TMPRSS11F: variants seen among roughly 807,000 people sequenced by gnomAD.
TMPRSS11F encodes transmembrane serine protease 11F, also known as transmembrane protease serine 11F.
TMPRSS11F carries 47 observed loss-of-function variants against 60.2 expected under a neutral mutation model. The observed-to-expected ratio is 0.78, with a 90% confidence interval of 0.62 to 1.00. The LOEUF is 1.00. Ranked by LOEUF, TMPRSS11F falls within the 50% of genes least tolerant of loss-of-function variation. The pLI, the probability that TMPRSS11F is intolerant of heterozygous loss-of-function variation, is 0.00. For missense variants in TMPRSS11F, 519 were observed against 522.9 expected (o/e 0.99, Z 0.07); for synonymous variants, 166 against 167.3 (o/e 0.99, Z 0.06).
At chr4:68,084,374 C>G (rs1192134071) in intron 3 of TMPRSS11F, among the ~76,000 whole-genome samples, 1 of 152,128 alleles carries the variant, frequency 6.6e-6, no homozygotes, top group Non-Finnish European at 1.5e-5. Flanking sequence ...TCGTCAGATT[C>G]ACCAAGGTCG....
In TMPRSS11F at chr4:68,075,503, C is replaced by G. The variant is rs572425984; in HGVS notation, c.283-1494G>C. Among the ~76,000 whole-genome samples the G allele has an allele frequency of 4.0e-4, 61 of 152,262 alleles. No individual in the cohort carries two copies. In the South Asian group the frequency reaches 5.8e-3, roughly 14 times the overall value. On this transcript the variant is annotated intron_variant, in intron 3 of 9. Coordinates refer to ENST00000356291, the MANE Select transcript of TMPRSS11F (RefSeq NM_207407.2). ...TCAAAGTCTCTCTCTCTGTCTGTCT[C>G]TCTCTCTCTCTTTCATTTTAAGGTG...
chr4:68,113,141 G>T (rs1490661273), intron 1 of TMPRSS11F, among the ~76,000 whole-genome samples: 2 of 152,090 alleles, frequency 1.3e-5, no homozygotes, highest in African/African-American at 2.4e-5. Context: ...ATCTTATAAA[G>T]TATGTTCTTT....
At chr4:68,059,512 A>C in intron 8 of TMPRSS11F, 44 bp from the exon 9 acceptor site, 1 of 1,581,494 alleles carries the variant, frequency 6.3e-7, no homozygotes, top group Non-Finnish European at 8.6e-7. Context: ...AGTATTCCTC[A>C]AATACAATTG....
chr4:68,072,013 C>T (rs1418858629), intron 5 of TMPRSS11F, among the ~76,000 whole-genome samples: 1 of 151,536 alleles, frequency 6.6e-6, no homozygotes, highest in Non-Finnish European at 1.5e-5. Context: ...AGCTTCTTTA[C>T]CTGTAAAATG....
intron 1 of TMPRSS11F, among the ~76,000 whole-genome samples, chr4:68,113,182 G>A (rs1724444184): frequency 6.6e-6 from 1 of 152,130 alleles, no homozygotes; most frequent in Non-Finnish European, 1.5e-5. Context: ...ACACCATAAA[G>A]GGTGATTCTG....
At chr4:68,107,923 G>A (rs1724335595) in intron 1 of TMPRSS11F, among the ~76,000 whole-genome samples, 1 of 152,068 alleles carries the variant, frequency 6.6e-6, no homozygotes, top group Admixed American at 6.6e-5. Context: ...GAGACAAAGT[G>A]AGACTCTGTC....
At chr4:68,086,325 AG>A (rs35221538) in intron 3 of TMPRSS11F, among the ~76,000 whole-genome samples, 44,149 of 151,970 alleles carry the variant, frequency 0.29, 6,491 homozygotes, top group East Asian at 0.49. Flanking sequence ...CTTTGAAATT[AG>A]GGACAGTAAA....
In TMPRSS11F at chr4:68,062,606, G is replaced by A. The variant is rs201538413; in HGVS notation, c.1015+2079C>T. 1.3e-5 allele frequency: 11 copies of A among 858,218 alleles called. No individual in the cohort carries two copies. The Admixed American group carries it at 1.9e-4, about 15-fold the overall frequency. The allele number at this position is 858,218 out of a possible 1,614,324, so 53.2% of individuals were successfully genotyped here. A position where few individuals can be genotyped will look rare whatever the true frequency, so the allele number is the denominator to read the frequency against. ...CCGTCCTTTTGACTCTTTCATTTCA[G>A]TCCAGTGATTGAGTTCTTCTCCAGA... On this transcript the variant is annotated intron_variant, in intron 8 of 9. Coordinates refer to ENST00000356291, the MANE Select transcript of TMPRSS11F (RefSeq NM_207407.2).
chr4:68,074,130 G>C (rs1042057370), intron 3 of TMPRSS11F, 121 bp from the exon 4 acceptor site: 1 of 540,060 alleles, frequency 1.9e-6, no homozygotes, highest in African/African-American at 2.0e-5. Flanking sequence ...AGAGACTTGG[G>C]CAAAAAAATA....
chr4:68,086,072 T>C (rs560959344), intron 3 of TMPRSS11F, among the ~76,000 whole-genome samples: 2 of 152,166 alleles, frequency 1.3e-5, no homozygotes, highest in South Asian at 4.1e-4. Context: ...AACCATAGAA[T>C]ATATATTTGT....
chr4:68,106,745 A>G (rs1724308592), intron 1 of TMPRSS11F, among the ~76,000 whole-genome samples: 1 of 152,220 alleles, frequency 6.6e-6, no homozygotes, highest in African/African-American at 2.4e-5. Context: ...CCTTTATTGG[A>G]ATGTGTAATA....
At chr4:68,087,693 A>G (rs1411544032) in intron 3 of TMPRSS11F, among the ~76,000 whole-genome samples, 1 of 106,040 alleles carries the variant, frequency 9.4e-6, no homozygotes, top group Admixed American at 1.1e-4. Flanking sequence ...AACAATTAGT[A>G]GCATTTTATT....
chr4:68,126,889 T>C (rs1191614109), intron 1 of TMPRSS11F, among the ~76,000 whole-genome samples: 4 of 152,122 alleles, frequency 2.6e-5, no homozygotes, highest in Admixed American at 2.0e-4. Flanking sequence ...AGGAAGACCA[T>C]GGGGTCTCAC....
chr4:68,059,562 CAA>C (rs1370572163), intron 8 of TMPRSS11F, 94 bp from the exon 9 acceptor site: 5 of 1,258,210 alleles, frequency 4.0e-6, no homozygotes, highest in African/African-American at 1.5e-5. Flanking sequence ...TAGCAAAAGC[CAA>C]AGATTATTTT....
At position 68,098,984 on chromosome 4, in the gene TMPRSS11F, C is replaced by T. The variant is rs1437987110; in HGVS notation, c.66G>A (p.Gln22=). 1.9e-6 allele frequency: 3 copies of T among 1,613,232 alleles called. No individual in the cohort carries two copies. Among genetic ancestry groups the T allele is most frequent in the African/African-American group, 2.7e-5 (2 of 74,942 alleles). ...EFSRAEYQRK[Q]QFWDSVRLAL... is the part of the protein sequence containing the mutation. Reference sequence around the variant, plus strand: ...CTAGCCGTACTGAGTCCCAAAATTGCTGCTTTCTTTGATATTCAGCTCGTG... The same window carrying T: ...CTAGCCGTACTGAGTCCCAAAATTGTTGCTTTCTTTGATATTCAGCTCGTG... The change falls in exon 2 of 10, where the codon CAG becomes CAA. Residue 22 remains glutamine (Q), a synonymous_variant. Coordinates refer to ENST00000356291, the MANE Select transcript of TMPRSS11F (RefSeq NM_207407.2).
At chr4:68,109,373 CTTGGTGAAAAA>C (rs1243070165) in intron 1 of TMPRSS11F, among the ~76,000 whole-genome samples, 2 of 152,018 alleles carry the variant, frequency 1.3e-5, no homozygotes, top group Non-Finnish European at 2.9e-5. Flanking sequence ...CTCTTATTGC[CTTGGTGAAAAA>C]TTAGGGTCAT....
chr4:68,113,930 T>C (rs1030395731), intron 1 of TMPRSS11F, among the ~76,000 whole-genome samples: 3 of 152,120 alleles, frequency 2.0e-5, no homozygotes, highest in Non-Finnish European at 2.9e-5. Context: ...ATAAAGTATG[T>C]TCTTCGATTT....
At chr4:68,081,787 G>A (rs939543696) in intron 3 of TMPRSS11F, among the ~76,000 whole-genome samples, 10 of 152,168 alleles carry the variant, frequency 6.6e-5, no homozygotes, top group African/African-American at 1.7e-4. Flanking sequence ...TCTACCACAC[G>A]TATGGCTTTC....
intron 1 of TMPRSS11F, among the ~76,000 whole-genome samples, chr4:68,105,377 G>T (rs374663852): frequency 6.6e-6 from 1 of 151,988 alleles, no homozygotes; most frequent in African/African-American, 2.4e-5. Flanking sequence ...AACAGAAAAC[G>T]TCCGTATATC....
Sources: allele counts gnomAD v4.1 joint callset (sites outside exome capture counted in the v4.1 genomes callset), GRCh38; gene constraint gnomAD v4.1.1; transcripts MANE v1.5; gene names NCBI Gene and HGNC (gene_info 2026-07-23, HGNC 2026-07-21).